ASPM: variants seen among roughly 807,000 people sequenced by gnomAD.
ASPM encodes assembly factor for spindle microtubules, also known as abnormal spindle-like microcephaly-associated protein.
A neutral mutation model predicts 366.4 loss-of-function variants in ASPM; 256 were observed. The observed-to-expected ratio is 0.70, with a 90% CI of 0.63 to 0.77. ASPM has a LOEUF of 0.77. ASPM is among the 30% of genes least tolerant of loss of function. The probability of loss-of-function intolerance (pLI) is 0.00; values close to 1 mark genes in which losing one functional copy is unlikely to be tolerated. For synonymous variants in ASPM, 1,414 were observed against 1,342.9 expected (o/e 1.05, Z -1.16); for missense variants, 4,146 against 4,090.4 (o/e 1.01, Z -0.37).
At chr1:197,107,517 A>G (rs1281973018) in intron 17 of ASPM, among the ~76,000 whole-genome samples, 1 of 152,138 alleles carries the variant, frequency 6.6e-6, no homozygotes, top group East Asian at 1.9e-4. Context: ...CCAGAATGCA[A>G]TTAAAAATTA....
At chr1:197,109,209 G>T (rs1357518280) in intron 17 of ASPM, among the ~76,000 whole-genome samples, 1 of 141,254 alleles carries the variant, frequency 7.1e-6, no homozygotes, top group African/African-American at 2.5e-5. Flanking sequence ...ATAATAACAT[G>T]TCAACAATCT....
chr1:197,104,162 G>A lies in ASPM; in HGVS notation c.5089C>T (p.Gln1697Ter). The change falls in exon 18 of 28, where the codon CAA (glutamine) becomes TAA (stop). Residue 1697 changes from glutamine to a stop codon, truncating the protein, a stop_gained. Transcript: ENST00000367409. LOFTEE classifies it high-confidence loss of function. ...GCAGCTGCTCTTAAATGCAAATATT[G>A]TTTACGTGTTTGTTTCATCTTAACA... is the stretch of plus-strand genomic sequence containing the variant. ...STVKMKQTRK[Q>*]YLHLRAAALF... is the part of the protein sequence containing the mutation. The A allele has an allele frequency of 6.2e-7, 1 of 1,612,652 alleles. No homozygotes were observed.
At chr1:197,136,921 TATC>T (rs1472335049) in intron 4 of ASPM, among the ~76,000 whole-genome samples, 5 of 152,168 alleles carry the variant, frequency 3.3e-5, no homozygotes, top group African/African-American at 9.6e-5. Flanking sequence ...TATCATATAA[TATC>T]ATGTTTTATA....
intron 17 of ASPM, among the ~76,000 whole-genome samples, chr1:197,111,511 A>C (rs1025697687): frequency 6.6e-6 from 1 of 152,162 alleles, no homozygotes; most frequent in African/African-American, 2.4e-5. Flanking sequence ...TTTGAAAATC[A>C]ATTTGGAGAT....
At chr1:197,092,329 T>C (rs534942755) in intron 21 of ASPM, among the ~76,000 whole-genome samples, 1 of 151,956 alleles carries the variant, frequency 6.6e-6, no homozygotes, top group African/African-American at 2.4e-5. Context: ...TCAACTAGAC[T>C]GCCCTATTAG....
chr1:197,128,631 T>C lies in ASPM; in HGVS notation c.2795A>G (p.Asp932Gly). The change falls in exon 10 of 28, where the codon GAT becomes GGT. Residue 932 changes from aspartate (D) to glycine (G), a missense_variant. Around this residue, in one of 3 missense-constraint regions of ASPM, gnomAD observed 3,624 missense variants for 3,591.7 expected, o/e 1.01. Coordinates refer to ENST00000367409, the MANE Select transcript of ASPM (RefSeq NM_018136.5). ...AAGGTCACCTTCACCACTTAGGAAA[T>C]CTCGTGAAAAAGCCAAAAGGATTTC... is the stretch of plus-strand genomic sequence containing the variant. ...SKEILLAFSR[D>G]FLSGEGDLSR... 1 of 1,613,628 alleles carries C rather than the reference T, an allele frequency of 6.2e-7. No individual in the cohort carries two copies. Among genetic ancestry groups the C allele is most frequent in the Non-Finnish European group, 8.5e-7 (1 of 1,179,730 alleles).
intron 22 of ASPM, 140 bp downstream of exon 22, chr1:197,091,767 A>T: frequency 1.2e-6 from 1 of 854,436 alleles, no homozygotes; most frequent in Non-Finnish European, 1.8e-6. Context: ...CTAACCCTCA[A>T]ATCATTGTAA....
Position 197,104,276 on chromosome 1 carries a change from C to A in ASPM, c.4975G>T (p.Val1659Phe), listed in dbSNP as rs560847421. The A allele has an allele frequency of 2.3e-4, 363 of 1,612,946 alleles. 3 individuals carry two copies. In the East Asian group the frequency reaches 8.0e-3, roughly 35 times the overall value. The part of the protein sequence containing the change: ...RKMYIHILTS[V>F]IKIQSYYRAY... ...CGATAATATGATTGAATCTTTATAA[C>A]AGATGTGAGGATGTGAATATACATT... Residue 1659 changes from valine (V) to phenylalanine (F), a missense_variant, in exon 18 of 28, where the codon GTT becomes TTT. This residue lies in a region of ASPM where 3,624 missense variants were observed against 3,591.7 expected (regional missense o/e 1.01). Transcript: ENST00000367409.
Position 197,129,176 on chromosome 1 carries a change from G to A in ASPM, c.2760+11C>T. On this transcript the variant is annotated intron_variant, in intron 9 of 27. Coordinates refer to ENST00000367409, the MANE Select transcript of ASPM (RefSeq NM_018136.5). ...AAATATAAAATATAAAGCATACAATGAAAAGCATACCTTGAATTCGGCATC... is the reference window on the plus strand; with the variant it reads ...AAATATAAAATATAAAGCATACAATAAAAAGCATACCTTGAATTCGGCATC... 1 of 1,610,494 alleles carries A rather than the reference G, an allele frequency of 6.2e-7. No individual in the cohort carries two copies. The highest frequency in any genetic ancestry group is 8.5e-7 in the Non-Finnish European group (1 of 1,177,440).
chr1:197,110,925 C>G (rs909942309), intron 17 of ASPM, among the ~76,000 whole-genome samples: 1 of 151,936 alleles, frequency 6.6e-6, no homozygotes, highest in Non-Finnish European at 1.5e-5. Context: ...TCACCACATA[C>G]AAAAAATTAA....
intron 10 of ASPM, 26 bp downstream of exon 10, chr1:197,128,464 A>C: frequency 2.5e-6 from 4 of 1,596,122 alleles, no homozygotes; most frequent in Non-Finnish European, 3.4e-6. Flanking sequence ...TCCATTAAGC[A>C]AAATAATTCT....
In ASPM at chr1:197,143,984, T is replaced by C; in HGVS notation, c.414A>G (p.Gly138=). Residue 138 remains glycine (G), a synonymous_variant, in exon 2 of 28, where the codon GGA becomes GGG. Transcript: ENST00000367409. Reference sequence around the variant, plus strand: ...TTTTCTTTTTCTGCTCTTCTGCATTTCCTAGTAATATAGCTTGGTGTTTCA... The same window carrying C: ...TTTTCTTTTTCTGCTCTTCTGCATTCCCTAGTAATATAGCTTGGTGTTTCA... ...DVLKHQAILL[G]NAEEQKKKKR... is the part of the protein sequence containing the mutation. The C allele has an allele frequency of 6.2e-7, 1 of 1,608,442 alleles. No individual in the cohort carries two copies.
chr1:197,103,854 CAAG>C lies in ASPM; in HGVS notation c.5394_5396del (p.Phe1798del), dbSNP rs778051900. On this transcript the variant is annotated inframe_deletion, in exon 18 of 28. Coordinates refer to ENST00000367409, the MANE Select transcript of ASPM (RefSeq NM_018136.5). ...AGCAAGTAGCTGCTTTTTTGACTTG[CAAG>C]AAGTTCTTCCTCTGATTGACCTGTG... 3.2e-5 allele frequency: 52 copies of C among 1,612,844 alleles called. No homozygotes were observed. The highest frequency in any genetic ancestry group is 1.6e-4 in the Middle Eastern group (1 of 6,076).
rs963286492 is a variant in ASPM at position 197,102,804 on chromosome 1, T to A, written c.6447A>T (p.Arg2149Ser). The A allele has an allele frequency of 1.9e-6, 3 of 1,612,284 alleles. 1 individual carries two copies. In the African/African-American group the frequency reaches 4.0e-5, roughly 22 times the overall value. ...TTTTACCTTGATAATATGCTCTACA[T>A]CTTACTTGAATAACAATAGCTGCTT... Reference protein sequence around the residue: ...MRKAAIVIQVRCRAYYQGKMQ... With the variant: ...MRKAAIVIQVSCRAYYQGKMQ... Residue 2149 changes from arginine (R) to serine (S), a missense_variant, in exon 18 of 28, where the codon AGA becomes AGT. By Grantham distance (110) the Arg-to-Ser change is moderately radical (BLOSUM62 -1). This residue lies in a region of ASPM where 3,624 missense variants were observed against 3,591.7 expected (regional missense o/e 1.01). Coordinates refer to ENST00000367409, the MANE Select transcript of ASPM (RefSeq NM_018136.5).
At position 197,124,331 on chromosome 1, in the gene ASPM, C is replaced by T. The variant is rs969689761; in HGVS notation, c.3169G>A (p.Val1057Met). The change falls in exon 13 of 28, where the codon GTG (valine) becomes ATG (methionine). Residue 1057 changes from valine to methionine, a missense_variant and splice_region_variant. Transcript: ENST00000367409. ...LLWKIAFAFQ[V>M]DISLNLDQLK... is the part of the protein sequence containing the mutation. Reference sequence around the variant, plus strand: ...TGATCTAAGTTAAGGGAAATATCCACCTAAAACAAACACAAAAAAAGATAA... The same window carrying T: ...TGATCTAAGTTAAGGGAAATATCCATCTAAAACAAACACAAAAAAAGATAA... The T allele has an allele frequency of 1.3e-6, 2 of 1,553,244 alleles. No homozygotes were observed. The highest frequency in any genetic ancestry group is 2.7e-5 in the African/African-American group (2 of 73,340).
intron 7 of ASPM, among the ~76,000 whole-genome samples, chr1:197,131,515 T>C (rs1245834809): frequency 2.6e-5 from 4 of 151,832 alleles, no homozygotes; most frequent in South Asian, 2.1e-4. Context: ...CAGATTGGTA[T>C]AGGTTCAACT....
chr1:197,093,022 G>A, intron 21 of ASPM, 30 bp downstream of exon 21: 1 of 1,541,934 alleles, frequency 6.5e-7, no homozygotes, highest in Non-Finnish European at 9.0e-7. Context: ...CATTTTATAA[G>A]AATGAGATAT....
At chr1:197,093,852 G>A (rs1013178956) in intron 20 of ASPM, among the ~76,000 whole-genome samples, 1 of 151,734 alleles carries the variant, frequency 6.6e-6, no homozygotes, top group Admixed American at 6.6e-5. Context: ...ATAAAACAAG[G>A]TATGCCTGTA....
At chr1:197,111,372 C>T (rs1657579295) in intron 17 of ASPM, among the ~76,000 whole-genome samples, 1 of 151,912 alleles carries the variant, frequency 6.6e-6, no homozygotes, top group South Asian at 2.1e-4. Context: ...AAATCAGAAC[C>T]ACAGTGAGAT....
Sources: allele counts gnomAD v4.1 joint callset (sites outside exome capture counted in the v4.1 genomes callset), GRCh38; gene constraint gnomAD v4.1.1; regional missense constraint gnomAD v4.1.1; transcripts MANE v1.5; gene names NCBI Gene and HGNC (gene_info 2026-07-23, HGNC 2026-07-21).